Variants in LYST observed in about 807,000 individuals in gnomAD.
LYST encodes the protein lysosomal trafficking regulator.
LYST carries 192 observed loss-of-function variants against 413.6 expected under a neutral mutation model. The ratio of observed to expected loss-of-function variants is 0.46; its 90% CI spans 0.41 to 0.52. LYST has a LOEUF of 0.52. Among genes scored for constraint, LYST ranks in the 20% least tolerant of loss-of-function variants. LYST has a pLI of 0.00. For missense variants in LYST, 3,815 were observed against 4,499.9 expected, an observed-to-expected ratio of 0.85 and a Z score of 4.35; for synonymous variants, 1,525 against 1,567.3, an observed-to-expected ratio of 0.97 and a Z score of 0.64.
chr1:235,869,742 C>G (rs1572507177), upstream of LYST, among the ~76,000 whole-genome samples: 1 of 152,076 alleles, frequency 6.6e-6, no homozygotes, highest in Non-Finnish European at 1.5e-5. Flanking sequence ...TGCATTGGCT[C>G]TCCGCTTCTC....
chr1:235,666,817 T>C (rs1255114429), intron 50 of LYST, among the ~76,000 whole-genome samples: 2 of 152,118 alleles, frequency 1.3e-5, no homozygotes, highest in African/African-American at 4.8e-5. Context: ...TTTTAAAAGA[T>C]AAAATAATTA....
Position 235,702,856 on chromosome 1 carries a change from C to G in LYST, c.10265G>C (p.Arg3422Thr), listed in dbSNP as rs759168232. ...RQLFHMAHVS[R>T]PGAKLNIEGE... ...TTCAATATTGAGCTTGGCTCCAGGT[C>G]TGCTCACATGGGCCATGTGGAACAG... Residue 3422 changes from arginine to threonine, a missense_variant, in exon 45 of 53, where the codon AGA becomes ACA. Transcript: ENST00000389793. 3 of 1,614,220 alleles carry G rather than the reference C, an allele frequency of 1.9e-6. No homozygotes were observed. The highest frequency in any genetic ancestry group is 1.7e-6 in the Non-Finnish European group (2 of 1,180,018).
intron 1 of LYST, among the ~76,000 whole-genome samples, chr1:235,834,545 G>T (rs1676349834): frequency 6.6e-6 from 1 of 152,016 alleles, no homozygotes; most frequent in African/African-American, 2.4e-5. Flanking sequence ...GCCCAGGAGT[G>T]ATCTTTAATT....
Position 235,806,589 on chromosome 1 carries a change from C to A in LYST, c.2547G>T (p.Leu849Phe). 6.2e-7 allele frequency: 1 copy of A among 1,613,820 alleles called. No homozygotes were observed. Among genetic ancestry groups the A allele is most frequent in the South Asian group, 1.1e-5 (1 of 91,076 alleles). Residue 849 changes from leucine to phenylalanine, a missense_variant, in exon 6 of 53, where the codon TTG becomes TTT. Leu to Phe is a conservative substitution (Grantham distance 22). Transcript: ENST00000389793. ...IDGIDIEQKE[L>F]SSVHVGTSFH... is the part of the protein sequence containing the mutation. Reference sequence around the variant, plus strand: ...AAGAAGTACCCACATGTACAGAGGACAACTCCTTCTGTTCAATGTCTATCC... The same window carrying A: ...AAGAAGTACCCACATGTACAGAGGAAAACTCCTTCTGTTCAATGTCTATCC...
intron 50 of LYST, among the ~76,000 whole-genome samples, chr1:235,670,216 C>G (rs779633009): frequency 2.6e-4 from 39 of 152,208 alleles, no homozygotes; most frequent in Non-Finnish European, 4.4e-4. Flanking sequence ...AAGTTTAAGT[C>G]TTAGCCAATA....
chr1:235,707,013 C>A (rs750051504), intron 44 of LYST, among the ~76,000 whole-genome samples: 2 of 152,078 alleles, frequency 1.3e-5, no homozygotes, highest in African/African-American at 4.8e-5. Context: ...TTGCTACAGT[C>A]GACACAGAAA....
chr1:235,704,130 C>T (rs981583884), intron 44 of LYST, among the ~76,000 whole-genome samples: 2 of 152,124 alleles, frequency 1.3e-5, no homozygotes, highest in African/African-American at 4.8e-5. Flanking sequence ...TGTATATATA[C>T]CACATTTTCT....
chr1:235,810,567 C>T (rs1431363472), intron 4 of LYST, 33 bp from the exon 5 acceptor site: 1 of 1,585,840 alleles, frequency 6.3e-7, no homozygotes, highest in East Asian at 2.2e-5. Flanking sequence ...CTTAGAATAC[C>T]TCAATATGTT....
chr1:235,681,700 A>G (rs1407705381), intron 48 of LYST, among the ~76,000 whole-genome samples: 6 of 152,210 alleles, frequency 3.9e-5, no homozygotes, highest in Non-Finnish European at 4.4e-5. Flanking sequence ...TCCAAAATGT[A>G]GGTTTTAATT....
intron 48 of LYST, 95 bp from the exon 49 acceptor site, chr1:235,677,714 G>A (rs1659494319): frequency 3.3e-6 from 3 of 922,840 alleles, no homozygotes; most frequent in Non-Finnish European, 5.3e-6. Context: ...GACTCAAATG[G>A]TCTTCTCAAA....
chr1:235,702,696 CAA>C (rs1558132324), intron 45 of LYST, 49 bp downstream of exon 45: 2 of 1,463,920 alleles, frequency 1.4e-6, no homozygotes, highest in Non-Finnish European at 1.9e-6. Flanking sequence ...CCTGGCATCA[CAA>C]GAGTCTAATC....
chr1:235,779,428 T>C (rs927800117), intron 16 of LYST, among the ~76,000 whole-genome samples: 2 of 152,206 alleles, frequency 1.3e-5, no homozygotes, highest in African/African-American at 2.4e-5. Flanking sequence ...TGAACAAACA[T>C]CTGTGTGAGC....
At chr1:235,844,846 A>C (rs1203653779) in intron 1 of LYST, among the ~76,000 whole-genome samples, 1 of 152,188 alleles carries the variant, frequency 6.6e-6, no homozygotes, top group Non-Finnish European at 1.5e-5. Context: ...ATATCAGTTG[A>C]ACTGTACAAT....
intron 28 of LYST, among the ~76,000 whole-genome samples, chr1:235,750,257 A>G (rs1346913789): frequency 1.3e-5 from 2 of 152,154 alleles, no homozygotes; most frequent in African/African-American, 2.4e-5. Context: ...TTAAATAAGG[A>G]AGAATGTAGA....
Position 235,709,406 on chromosome 1 carries a change from GTGCT to G in LYST, c.9926-102_9926-99del. 4.2e-6 allele frequency: 4 copies of G among 946,438 alleles called. No homozygotes were observed. The Admixed American group carries it at 6.2e-5, about 15-fold the overall frequency. 58.6% of individuals were successfully genotyped at this position (946,438 alleles called of 1,614,324 possible). A position where few individuals can be genotyped will look rare whatever the true frequency, so the allele number is the denominator to read the frequency against. ...AGAGTTCACAAAAATAGCTGTTTGT[GTGCT>G]ACAACCAAAAAAGGGAATAGCAAGG... On this transcript the variant is annotated intron_variant, in intron 43 of 52. Coordinates refer to ENST00000389793, the MANE Select transcript of LYST (RefSeq NM_000081.4).
At chr1:235,723,247 T>C (rs1663549673) in intron 39 of LYST, among the ~76,000 whole-genome samples, 1 of 152,164 alleles carries the variant, frequency 6.6e-6, no homozygotes, top group Non-Finnish European at 1.5e-5. Flanking sequence ...GAGATGTCAA[T>C]TAGTGACTTC....
chr1:235,743,102 T>C (rs1665576922), intron 30 of LYST, among the ~76,000 whole-genome samples: 1 of 152,160 alleles, frequency 6.6e-6, no homozygotes, highest in Non-Finnish European at 1.5e-5. Flanking sequence ...GGTCCTGGAA[T>C]GTATCCTCTG....
chr1:235,766,500 AG>A (rs1668167330), intron 20 of LYST, among the ~76,000 whole-genome samples: 1 of 152,160 alleles, frequency 6.6e-6, no homozygotes, highest in Admixed American at 6.6e-5. Context: ...ACTTAATTCT[AG>A]CCCATGTATC....
chr1:235,840,833 T>C (rs762031638), intron 1 of LYST, among the ~76,000 whole-genome samples: 1 of 152,192 alleles, frequency 6.6e-6, no homozygotes, highest in African/African-American at 2.4e-5. Context: ...AAAGCAACAG[T>C]AGAATAATAT....
Sources: allele counts gnomAD v4.1 joint callset (sites outside exome capture counted in the v4.1 genomes callset), GRCh38; gene constraint gnomAD v4.1.1; transcripts MANE v1.5; gene names NCBI Gene and HGNC (gene_info 2026-07-23, HGNC 2026-07-21).